Variants in ARHGAP39 observed in about 807,000 individuals in gnomAD.
ARHGAP39 encodes the protein rho GTPase-activating protein 39.
Under a neutral mutation model 106.9 loss-of-function variants are expected in ARHGAP39, and 44 were observed. The ratio of observed to expected loss-of-function variants is 0.41; its 90% CI spans 0.32 to 0.53. The LOEUF is 0.53. Ranked by LOEUF, ARHGAP39 falls within the 20% of genes least tolerant of loss-of-function variation. ARHGAP39 has a pLI of 0.21. For synonymous variants in ARHGAP39, 768 were observed against 693.2 expected (o/e 1.11, Z -1.69); for missense variants, 1,496 against 1,577.3 (o/e 0.95, Z 0.87).
chr8:144,537,610 G>GC, intron 7 of ARHGAP39, 111 bp downstream of exon 7: 20 of 924,238 alleles, frequency 2.2e-5, no homozygotes, highest in Middle Eastern at 3.3e-4. Context: ...GAGGTTAGTG[G>GC]CCCCATCCCC....
At chr8:144,565,001 T>TCGGGAGGCTGAGA (rs1281107088) in intron 3 of ARHGAP39, among the ~76,000 whole-genome samples, 2 of 151,800 alleles carry the variant, frequency 1.3e-5, no homozygotes, top group Non-Finnish European at 2.9e-5. Flanking sequence ...TCCTAGCTAC[T>TCGGGAGGCTGAGA]CGGGAGGCTG....
chr8:144,602,323 G>A (rs1378848553), intron 2 of ARHGAP39, among the ~76,000 whole-genome samples: 34 of 136,540 alleles, frequency 2.5e-4, no homozygotes, highest in East Asian at 4.7e-4. Context: ...GCATGGAGGC[G>A]TGCGTGCGAG....
At chr8:144,633,458 A>C (rs1821112595) in intron 1 of ARHGAP39, among the ~76,000 whole-genome samples, 1 of 152,058 alleles carries the variant, frequency 6.6e-6, no homozygotes, top group Non-Finnish European at 1.5e-5. Context: ...ACTCCGTCTC[A>C]AAAAAAAGAA....
At chr8:144,613,058 T>C (rs1438097303) in intron 1 of ARHGAP39, among the ~76,000 whole-genome samples, 2 of 152,226 alleles carry the variant, frequency 1.3e-5, no homozygotes, top group African/African-American at 4.8e-5. Flanking sequence ...AGTAAATGCT[T>C]TTGGGTTTAT....
intron 2 of ARHGAP39, among the ~76,000 whole-genome samples, chr8:144,602,353 G>A (rs1820038413): frequency 6.9e-6 from 1 of 144,480 alleles, no homozygotes; most frequent in Non-Finnish European, 1.5e-5. Context: ...CTGTATGCAT[G>A]TGCATGGAGG....
At chr8:144,582,718 A>G (rs1321549604) in intron 2 of ARHGAP39, among the ~76,000 whole-genome samples, 3 of 152,068 alleles carry the variant, frequency 2.0e-5, no homozygotes, top group South Asian at 2.1e-4. Context: ...ACTGGGCCTG[A>G]GTGCAGACAC....
At chr8:144,535,224 T>TA (rs548864336) in intron 7 of ARHGAP39, among the ~76,000 whole-genome samples, 7 of 152,086 alleles carry the variant, frequency 4.6e-5, no homozygotes, top group Non-Finnish European at 1.0e-4. Flanking sequence ...TGGACCAGGT[T>TA]AAAAAAAAGT....
intron 1 of ARHGAP39, among the ~76,000 whole-genome samples, chr8:144,676,699 G>T (rs1822250785): frequency 6.6e-6 from 1 of 152,246 alleles, no homozygotes; most frequent in Non-Finnish European, 1.5e-5. Flanking sequence ...GCTCGTCCCA[G>T]ATCAAGCCCA....
the ARHGAP39 span, among the ~76,000 whole-genome samples, chr8:144,693,761 C>T: frequency 2.0e-5 from 3 of 152,214 alleles, no homozygotes; most frequent in Non-Finnish European, 4.4e-5. Flanking sequence ...ACTGATCACA[C>T]ACTGGTTTAG....
chr8:144,648,811 CAAT>C (rs1037774066), intron 1 of ARHGAP39, among the ~76,000 whole-genome samples: 2 of 152,072 alleles, frequency 1.3e-5, no homozygotes, highest in Non-Finnish European at 2.9e-5. Flanking sequence ...CTAATGAGAA[CAAT>C]GATGCAGCAT....
At chr8:144,628,383 G>C (rs1237333118) in intron 1 of ARHGAP39, among the ~76,000 whole-genome samples, 1 of 152,162 alleles carries the variant, frequency 6.6e-6, no homozygotes, top group Non-Finnish European at 1.5e-5. Context: ...AACACACACA[G>C]AGAGGGCTGG....
At chr8:144,607,074 T>C (rs539661796) in intron 1 of ARHGAP39, among the ~76,000 whole-genome samples, 1 of 150,592 alleles carries the variant, frequency 6.6e-6, no homozygotes, top group East Asian at 1.9e-4. Flanking sequence ...GTGTGTAATC[T>C]GACAAAGGGC....
intron 1 of ARHGAP39, among the ~76,000 whole-genome samples, chr8:144,620,828 C>A (rs1264859560): frequency 6.6e-6 from 1 of 152,252 alleles, no homozygotes; most frequent in Non-Finnish European, 1.5e-5. Flanking sequence ...ACTGTGAGTA[C>A]AGAAGAGGGG....
At chr8:144,557,867 G>A (rs1384117278) in intron 3 of ARHGAP39, among the ~76,000 whole-genome samples, 1 of 152,220 alleles carries the variant, frequency 6.6e-6, no homozygotes, top group African/African-American at 2.4e-5. Flanking sequence ...ACAGTTTTTG[G>A]AAGTGCTAGG....
At chr8:144,659,677 C>T (rs1041509750) in intron 1 of ARHGAP39, among the ~76,000 whole-genome samples, 1 of 152,202 alleles carries the variant, frequency 6.6e-6, no homozygotes, top group Non-Finnish European at 1.5e-5. Flanking sequence ...ATCTTCCGGC[C>T]TTGGCTTATT....
chr8:144,540,354 G>A (rs1817138980), intron 6 of ARHGAP39, among the ~76,000 whole-genome samples: 1 of 152,074 alleles, frequency 6.6e-6, no homozygotes, highest in Non-Finnish European at 1.5e-5. Flanking sequence ...AGCTATCACA[G>A]CACTGTGCAC....
In ARHGAP39 at chr8:144,671,789, G is replaced by A. The variant is rs1025686091; in HGVS notation, c.-82+13897C>T. ...CAGGATGTTAGCACAACTCACTCCC[G>A]TGTCCCCCACCAGAGGCCTGGTCTG... is the stretch of plus-strand genomic sequence containing the variant. On this transcript the variant is annotated intron_variant, in intron 1 of 11. Coordinates refer to ENST00000377307, the MANE Select transcript of ARHGAP39 (RefSeq NM_025251.3). This position sits in a 1 kb window ranked among gnomAD's most constrained non-coding sequence, Gnocchi z 4.5. Among the ~76,000 whole-genome samples the A allele has an allele frequency of 3.9e-5, 6 of 152,216 alleles. No individual in the cohort carries two copies. The highest frequency in any genetic ancestry group is 4.1e-4 in the South Asian group (2 of 4,832).
chr8:144,685,946 G>T (rs1429558252), upstream of ARHGAP39, among the ~76,000 whole-genome samples: 2 of 150,956 alleles, frequency 1.3e-5, no homozygotes, highest in Non-Finnish European at 3.0e-5. Flanking sequence ...GCCTCGCGAG[G>T]CCGCATCACG....
intron 3 of ARHGAP39, among the ~76,000 whole-genome samples, chr8:144,565,016 A>G (rs1818341401): frequency 6.6e-6 from 1 of 152,122 alleles, no homozygotes; most frequent in Non-Finnish European, 1.5e-5. Flanking sequence ...AGGCTGAGAC[A>G]GGAGACTCGC....
Sources: gnomAD v4.1 joint callset for allele counts (sites outside exome capture counted in the v4.1 genomes callset) on GRCh38, gnomAD v4.1.1 for gene constraint, Gnocchi (gnomAD v3.1) non-coding constraint, MANE v1.5 for transcripts, NCBI Gene and HGNC (gene_info 2026-07-23, HGNC 2026-07-21) for gene names.